SGCZ: variants seen among roughly 807,000 people sequenced by gnomAD.
SGCZ encodes sarcoglycan zeta.
SGCZ carries 40 observed loss-of-function variants against 41.3 expected under a neutral mutation model. The ratio of observed to expected loss-of-function variants is 0.97; its 90% CI spans 0.75 to 1.26. SGCZ has a LOEUF of 1.26. Among genes scored for constraint, SGCZ ranks in the 50% most tolerant of loss-of-function variants. SGCZ has a pLI of 0.00. For missense variants in SGCZ, 552 were observed against 369.8 expected (o/e 1.49, Z -4.04); for synonymous variants, 206 against 137.5 (o/e 1.50, Z -3.49).
intron 4 of SGCZ, among the ~76,000 whole-genome samples, chr8:14,166,738 T>C (rs1056811886): frequency 1.3e-5 from 2 of 152,158 alleles, no homozygotes; most frequent in African/African-American, 2.4e-5. Context: ...ATATGAAAGA[T>C]ACATTATTAA....
chr8:14,677,253 T>A (rs557174408), intron 1 of SGCZ, among the ~76,000 whole-genome samples: 4 of 151,720 alleles, frequency 2.6e-5, no homozygotes, highest in South Asian at 2.1e-4. Flanking sequence ...TCTAGAAAAA[T>A]ATAAAAGATA....
At chr8:14,950,274 T>A (rs1254124267) in intron 1 of SGCZ, among the ~76,000 whole-genome samples, 1 of 152,050 alleles carries the variant, frequency 6.6e-6, no homozygotes, top group East Asian at 1.9e-4. Context: ...AACCAAATGA[T>A]GAAGTTCTGT....
At chr8:15,226,488 C>G (rs1801777265) in intron 1 of SGCZ, among the ~76,000 whole-genome samples, 1 of 152,158 alleles carries the variant, frequency 6.6e-6, no homozygotes, top group African/African-American at 2.4e-5. Context: ...TCAGCAGCAG[C>G]TACTATGAAG....
intron 1 of SGCZ, among the ~76,000 whole-genome samples, chr8:15,086,789 A>AT (rs1441894572): frequency 6.6e-6 from 1 of 151,964 alleles, no homozygotes; most frequent in East Asian, 1.9e-4. Flanking sequence ...GAAGCAAATT[A>AT]TTTTTTTCTC....
chr8:14,739,337 C>T (rs1799135549), intron 1 of SGCZ, among the ~76,000 whole-genome samples: 1 of 151,856 alleles, frequency 6.6e-6, no homozygotes, highest in Non-Finnish European at 1.5e-5. Flanking sequence ...TAATTCACTG[C>T]ATTTATTCAT....
At chr8:14,723,951 G>C (rs1282141816) in intron 1 of SGCZ, among the ~76,000 whole-genome samples, 3 of 152,004 alleles carry the variant, frequency 2.0e-5, no homozygotes, top group Non-Finnish European at 4.4e-5. Context: ...TGATAATGAT[G>C]AGTTCTGACC....
intron 1 of SGCZ, among the ~76,000 whole-genome samples, chr8:14,780,884 A>C (rs1563264692): frequency 6.6e-6 from 1 of 152,188 alleles, no homozygotes; most frequent in African/African-American, 2.4e-5. Flanking sequence ...AAAAAGAAAC[A>C]CTTAAAAAAA....
chr8:14,814,401 C>T (rs571177714), intron 1 of SGCZ, among the ~76,000 whole-genome samples: 5 of 152,100 alleles, frequency 3.3e-5, no homozygotes, highest in African/African-American at 1.2e-4. Flanking sequence ...AGAGCTACAT[C>T]CCCACTTGCA....
chr8:14,321,381 A>T (rs1209368056), intron 3 of SGCZ, among the ~76,000 whole-genome samples: 1 of 152,072 alleles, frequency 6.6e-6, no homozygotes, highest in Admixed American at 6.6e-5. Flanking sequence ...GTAGATATTT[A>T]GCGATGGAGA....
At chr8:15,107,189 A>G (rs971142063) in intron 1 of SGCZ, among the ~76,000 whole-genome samples, 8 of 152,136 alleles carry the variant, frequency 5.3e-5, no homozygotes, top group Admixed American at 1.3e-4. Flanking sequence ...TTTTGTTATC[A>G]TGCTCTGCTG....
chr8:15,129,941 T>G (rs952229295), intron 1 of SGCZ, among the ~76,000 whole-genome samples: 5 of 152,080 alleles, frequency 3.3e-5, no homozygotes, highest in Non-Finnish European at 5.9e-5. Flanking sequence ...CATATATACA[T>G]ATACATATGT....
Position 14,271,199 on chromosome 8 carries a change from A to T in SGCZ, c.337-33520T>A, listed in dbSNP as rs190998052. Among the ~76,000 whole-genome samples, 222 of 145,328 alleles carry T rather than the reference A, an allele frequency of 1.5e-3. 1 individual carries two copies. Among genetic ancestry groups the T allele is most frequent in the East Asian group, 0.013 (67 of 5,060 alleles). On this transcript the variant is annotated intron_variant, in intron 3 of 7. Transcript: ENST00000382080. Reference sequence around the variant, plus strand: ...GTACCGTAAAACTTAAAGTATAATTAAAAAAAAAAAGGAAATGATGTATAG... The same window carrying T: ...GTACCGTAAAACTTAAAGTATAATTTAAAAAAAAAAGGAAATGATGTATAG...
chr8:15,180,112 T>C (rs772963048), intron 1 of SGCZ, among the ~76,000 whole-genome samples: 6 of 152,186 alleles, frequency 3.9e-5, no homozygotes, highest in Non-Finnish European at 5.9e-5. Context: ...CAAGTCTTTA[T>C]AGAAATCAAG....
intron 1 of SGCZ, among the ~76,000 whole-genome samples, chr8:15,211,054 T>G (rs62502009): frequency 1.1e-4 from 11 of 97,608 alleles, no homozygotes; most frequent in East Asian, 9.1e-4. Context: ...TATAGATAGA[T>G]ATAGATATAC....
chr8:14,672,604 A>G (rs2117514531), intron 1 of SGCZ, among the ~76,000 whole-genome samples: 1 of 152,334 alleles, frequency 6.6e-6, no homozygotes, highest in African/African-American at 2.4e-5. Flanking sequence ...TGGAGCAGGA[A>G]GTAACTAACT....
intron 1 of SGCZ, among the ~76,000 whole-genome samples, chr8:14,784,720 C>T (rs1800699453): frequency 6.6e-6 from 1 of 150,874 alleles, no homozygotes; most frequent in Non-Finnish European, 1.5e-5. Flanking sequence ...CGTGGAGAAA[C>T]CCCGTCTCTA....
At chr8:14,194,012 G>T (rs1006824515) in intron 4 of SGCZ, among the ~76,000 whole-genome samples, 2 of 151,720 alleles carry the variant, frequency 1.3e-5, no homozygotes, top group South Asian at 2.1e-4. Context: ...AAGTCAGCAT[G>T]ATGGGACAAT....
At chr8:14,268,888 AC>A (rs1177136821) in intron 3 of SGCZ, among the ~76,000 whole-genome samples, 3 of 151,750 alleles carry the variant, frequency 2.0e-5, no homozygotes, top group Non-Finnish European at 4.4e-5. Context: ...TAAAGAGAAA[AC>A]TTTAAATAAA....
In SGCZ at chr8:15,020,549, G is replaced by A. The variant is rs189037455; in HGVS notation, c.39+217036C>T. Reference sequence around the variant, plus strand: ...ATTAAAATATAATCGCTGTCAGCTCGCCACCAGAAAATATTAACTTGCACT... The same window carrying A: ...ATTAAAATATAATCGCTGTCAGCTCACCACCAGAAAATATTAACTTGCACT... On this transcript the variant is annotated intron_variant, in intron 1 of 7. Transcript: ENST00000382080. 1.1e-4 allele frequency among the ~76,000 whole-genome samples: 17 copies of A among 152,178 alleles called. No individual in the cohort carries two copies. The South Asian group carries it at 1.7e-3, about 15-fold the overall frequency.
Sources: allele counts gnomAD v4.1 joint callset (sites outside exome capture counted in the v4.1 genomes callset), GRCh38; gene constraint gnomAD v4.1.1; transcripts MANE v1.5; gene names NCBI Gene and HGNC (gene_info 2026-07-23, HGNC 2026-07-21).